SYNPR: variants seen among roughly 807,000 people sequenced by gnomAD.
SYNPR encodes the protein synaptoporin.
Under a neutral mutation model 32.9 loss-of-function variants are expected in SYNPR, and 23 were observed. That is an observed-to-expected ratio of 0.70 (90% CI 0.50 to 0.99). The LOEUF (loss-of-function observed/expected upper bound fraction) is 0.99, where lower values mean the gene tolerates loss of function less well. SYNPR is among the 50% of genes least tolerant of loss of function. SYNPR has a pLI of 0.00. For missense variants in SYNPR, 318 were observed against 349.3 expected (o/e 0.91, Z 0.71); for synonymous variants, 146 against 135.9 (o/e 1.07, Z -0.52).
intron 2 of SYNPR, among the ~76,000 whole-genome samples, chr3:63,468,074 G>C (rs766379747): frequency 6.6e-6 from 1 of 151,476 alleles, no homozygotes; most frequent in South Asian, 2.1e-4. Flanking sequence ...TGGCACATGC[G>C]TCCCAGCTAC....
rs906240232 is a variant in SYNPR at position 63,422,213 on chromosome 3, T to G, written c.85-58619T>G. 2.6e-5 allele frequency among the ~76,000 whole-genome samples: 4 copies of G among 152,106 alleles called. No homozygotes were observed. The East Asian group carries it at 7.7e-4, about 29-fold the overall frequency. ...AGGATCAGAAGTGGAGGGAAAGATG[T>G]AAATAAGGCAGTCTCATTTTATCAG... is the stretch of plus-strand genomic sequence containing the variant. On this transcript the variant is annotated intron_variant, in intron 2 of 5. Transcript: ENST00000478300.
chr3:63,272,510 A>ATTTT (rs35963299), intron 3 of SYNPR, among the ~76,000 whole-genome samples: 1 of 136,312 alleles, frequency 7.3e-6, no homozygotes, highest in Non-Finnish European at 1.6e-5. Flanking sequence ...TTCCATGGGC[A>ATTTT]TTTTTTTTTT....
intron 2 of SYNPR, among the ~76,000 whole-genome samples, chr3:63,303,984 CG>C (rs34720282): frequency 2.0e-5 from 3 of 151,938 alleles, no homozygotes; most frequent in African/African-American, 7.2e-5. Flanking sequence ...GGCTGTAGAA[CG>C]GATCTGTTAT....
intron 2 of SYNPR, among the ~76,000 whole-genome samples, chr3:63,362,587 T>G (rs2087675741): frequency 6.6e-6 from 1 of 152,214 alleles, no homozygotes; most frequent in Non-Finnish European, 1.5e-5. Context: ...TTCAAGGATC[T>G]TAGAGTCTGG....
intron 2 of SYNPR, among the ~76,000 whole-genome samples, chr3:63,331,658 T>C (rs1469468576): frequency 6.6e-6 from 1 of 152,000 alleles, no homozygotes; most frequent in Non-Finnish European, 1.5e-5. Context: ...TTGAGGAACT[T>C]AAAAAAATTA....
At chr3:63,561,877 T>A (rs1278613083) in intron 4 of SYNPR, among the ~76,000 whole-genome samples, 1 of 152,162 alleles carries the variant, frequency 6.6e-6, no homozygotes, top group Non-Finnish European at 1.5e-5. Flanking sequence ...CTGAAAAAAT[T>A]TTTTCTACTG....
At chr3:63,527,484 G>A (rs189892053) in intron 3 of SYNPR, among the ~76,000 whole-genome samples, 248 of 152,164 alleles carry the variant, frequency 1.6e-3, no homozygotes, top group Non-Finnish European at 5.7e-4. Context: ...GCCTGTCCTT[G>A]AGAAAACCCC....
At chr3:63,405,952 C>T (rs959344502) in intron 2 of SYNPR, among the ~76,000 whole-genome samples, 3 of 152,154 alleles carry the variant, frequency 2.0e-5, no homozygotes, top group Non-Finnish European at 2.9e-5. Context: ...CATTGCTTCT[C>T]ATTTAATCTT....
intron 2 of SYNPR, among the ~76,000 whole-genome samples, chr3:63,439,800 T>G (rs1323463963): frequency 6.6e-6 from 1 of 152,176 alleles, no homozygotes; most frequent in Admixed American, 6.5e-5. Context: ...TGTTCTGTAT[T>G]TCAAGGCTAA....
chr3:63,396,317 C>A (rs530128479), intron 2 of SYNPR, among the ~76,000 whole-genome samples: 4 of 152,066 alleles, frequency 2.6e-5, no homozygotes, highest in Admixed American at 6.5e-5. Context: ...TCAAGAGCTC[C>A]GTTTCTGACA....
At chr3:63,608,300 G>A (rs939517879) in intron 4 of SYNPR, among the ~76,000 whole-genome samples, 1 of 152,144 alleles carries the variant, frequency 6.6e-6, no homozygotes, top group African/African-American at 2.4e-5. Context: ...TTTCCCCTGC[G>A]AACAGCAGAT....
the SYNPR span, among the ~76,000 whole-genome samples, chr3:63,217,703 C>T: frequency 4.0e-3 from 611 of 152,198 alleles, 4 homozygotes; most frequent in African/African-American, 0.014. Flanking sequence ...TAGACCGGAG[C>T]TGTTCCTATT....
At chr3:63,333,763 G>A (rs150296247) in intron 2 of SYNPR, among the ~76,000 whole-genome samples, 107 of 152,196 alleles carry the variant, frequency 7.0e-4, no homozygotes, top group African/African-American at 2.4e-3. Context: ...TTCATTCATA[G>A]CACCAGTCCA....
chr3:63,469,742 G>A (rs1429739890), intron 2 of SYNPR, among the ~76,000 whole-genome samples: 4 of 152,168 alleles, frequency 2.6e-5, no homozygotes, highest in Admixed American at 2.0e-4. Context: ...TTCTGATGGT[G>A]TATTTTGAAA....
intron 2 of SYNPR, among the ~76,000 whole-genome samples, chr3:63,386,787 A>G (rs1169917433): frequency 6.6e-6 from 1 of 152,132 alleles, no homozygotes; most frequent in Admixed American, 6.5e-5. Flanking sequence ...CTGCTCAGGC[A>G]CCTCGCAGAG....
chr3:63,487,155 A>G (rs1482079440), intron 3 of SYNPR, among the ~76,000 whole-genome samples: 1 of 152,192 alleles, frequency 6.6e-6, no homozygotes, highest in Non-Finnish European at 1.5e-5. Context: ...CTAGGTGGCA[A>G]GATTATGAGT....
intron 3 of SYNPR, among the ~76,000 whole-genome samples, chr3:63,527,267 A>G (rs551701443): frequency 1.3e-5 from 2 of 152,218 alleles, no homozygotes; most frequent in Non-Finnish European, 2.9e-5. Context: ...TTTATTCCCA[A>G]GGCATCATCC....
intron 2 of SYNPR, among the ~76,000 whole-genome samples, chr3:63,311,613 G>A (rs985709710): frequency 6.6e-5 from 10 of 152,022 alleles, no homozygotes; most frequent in African/African-American, 1.4e-4. Context: ...TGGAAAAATC[G>A]TCTTCCATGA....
At chr3:63,476,982 G>C (rs903465778) in intron 2 of SYNPR, among the ~76,000 whole-genome samples, 8 of 152,180 alleles carry the variant, frequency 5.3e-5, no homozygotes, top group Non-Finnish European at 2.9e-5. Context: ...AAGCATGTTA[G>C]TCTTGATTTG....
Sources: gnomAD v4.1 joint callset for allele counts (sites outside exome capture counted in the v4.1 genomes callset) on GRCh38, gnomAD v4.1.1 for gene constraint, MANE v1.5 for transcripts, NCBI Gene and HGNC (gene_info 2026-07-23, HGNC 2026-07-21) for gene names.